Variants in MYO16 observed in about 807,000 individuals in gnomAD.
MYO16 encodes unconventional myosin-XVI.
Under a neutral mutation model 205.3 loss-of-function variants are expected in MYO16, and 94 were observed. The ratio of observed to expected loss-of-function variants is 0.46; its 90% CI spans 0.39 to 0.54. The LOEUF (loss-of-function observed/expected upper bound fraction) is 0.54, where lower values mean the gene tolerates loss of function less well. Ranked by LOEUF, MYO16 falls within the 20% of genes least tolerant of loss-of-function variation. The probability of loss-of-function intolerance (pLI) is 0.00; values close to 1 mark genes in which losing one functional copy is unlikely to be tolerated. For synonymous variants in MYO16, 988 were observed against 954.0 expected, an observed-to-expected ratio of 1.04 and a Z score of -0.66; for missense variants, 2,315 against 2,387.5, an observed-to-expected ratio of 0.97 and a Z score of 0.63.
chr13:109,055,514 A>G lies in MYO16; in HGVS notation c.3254A>G (p.Gln1085Arg), dbSNP rs1887387605. 3.7e-6 allele frequency: 6 copies of G among 1,613,220 alleles called. No homozygotes were observed. The highest frequency in any genetic ancestry group is 1.7e-4 in the Middle Eastern group (1 of 6,058). Residue 1085 changes from glutamine (Q) to arginine (R), a missense_variant, in exon 27 of 35, where the codon CAA (glutamine) becomes CGA (arginine). Gln to Arg is a conservative substitution (Grantham distance 43). Coordinates refer to ENST00000457511, the MANE Select transcript of MYO16 (RefSeq NM_001198950.3). This position sits in a 1 kb window ranked among gnomAD's most constrained non-coding sequence, Gnocchi z 5.0. ...AATTTTTACGTGTCTGCTCAGCTAC[A>G]ATATATTGGGGTCCTGGAGATGGTG... ...FDNFYVSAQL[Q>R]YIGVLEMVKI...
chr13:108,952,069 C>G (rs1883173673), intron 16 of MYO16, among the ~76,000 whole-genome samples: 1 of 151,728 alleles, frequency 6.6e-6, no homozygotes, highest in African/African-American at 2.4e-5. Context: ...TGAGATCATG[C>G]CATTGCACTC....
intron 9 of MYO16, among the ~76,000 whole-genome samples, chr13:108,824,097 G>A (rs1479596663): frequency 6.6e-6 from 1 of 152,068 alleles, no homozygotes; most frequent in Non-Finnish European, 1.5e-5. Context: ...CATGTAACGT[G>A]TGGGACCTTG....
intron 4 of MYO16, among the ~76,000 whole-genome samples, chr13:108,765,071 T>A (rs1885734031): frequency 6.6e-6 from 1 of 152,184 alleles, no homozygotes. Flanking sequence ...TCTTTTGATG[T>A]ATTTCTTAAT....
chr13:108,712,667 G>A lies in MYO16; in HGVS notation c.299G>A (p.Arg100Gln), dbSNP rs1280362563. 6 of 1,614,046 alleles carry A rather than the reference G, an allele frequency of 3.7e-6. No individual in the cohort carries two copies. In the South Asian group the frequency reaches 5.5e-5, roughly 15 times the overall value. The change falls in exon 3 of 35, where the codon CGG becomes CAG. Residue 100 changes from arginine (R) to glutamine (Q), a missense_variant. Arg to Gln is a conservative substitution (Grantham distance 43). Transcript: ENST00000457511. ...IIHHNDKEVL[R>Q]LLKEGADPHT... Reference sequence around the variant, plus strand: ...TCCTCTCTGTTGTTTTCAGTGCTTCGGCTCCTGAAGGAGGGGGCAGACCCC... The same window carrying A: ...TCCTCTCTGTTGTTTTCAGTGCTTCAGCTCCTGAAGGAGGGGGCAGACCCC...
chr13:108,936,107 TCC>T, intron 16 of MYO16, among the ~76,000 whole-genome samples: 1 of 144,058 alleles, frequency 6.9e-6, no homozygotes. Context: ...CTTCCTTCCT[TCC>T]TTCCTTCCTT....
At position 109,046,964 on chromosome 13, in the gene MYO16, T is replaced by A; in HGVS notation, c.2845T>A (p.Ser949Thr). 1 of 1,611,740 alleles carries A rather than the reference T, an allele frequency of 6.2e-7. No individual in the cohort carries two copies. Among genetic ancestry groups the A allele is most frequent in the South Asian group, 1.1e-5 (1 of 91,052 alleles). Reference protein sequence around the residue: ...GAIEKNKDSLSQNLLFVMKTS... With the variant: ...GAIEKNKDSLTQNLLFVMKTS... ...GATTGAAAAAAATAAAGACTCCCTT[T>A]CACAGAATCTTCTATTTGTAATGAA... The change falls in exon 24 of 35, where the codon TCA becomes ACA. Residue 949 changes from serine to threonine, a missense_variant. Ser to Thr is a moderately conservative substitution (Grantham distance 58). Coordinates refer to ENST00000457511, the MANE Select transcript of MYO16 (RefSeq NM_001198950.3).
At chr13:108,730,386 T>C (rs1390626244) in intron 4 of MYO16, among the ~76,000 whole-genome samples, 1 of 152,010 alleles carries the variant, frequency 6.6e-6, no homozygotes, top group African/African-American at 2.4e-5. Context: ...AATTACCCAG[T>C]CTAGGGTATT....
intron 20 of MYO16, among the ~76,000 whole-genome samples, chr13:108,981,865 C>T (rs577950848): frequency 7.9e-5 from 12 of 152,130 alleles, no homozygotes; most frequent in Non-Finnish European, 1.3e-4. Context: ...ATTTGAAGGT[C>T]ATTATTGAAA....
At position 109,140,255 on chromosome 13, in the gene MYO16, C is replaced by T. The variant is rs746608537; in HGVS notation, c.4052-9C>T. 1.1e-5 allele frequency: 17 copies of T among 1,598,178 alleles called. No individual in the cohort carries two copies. Among genetic ancestry groups the T allele is most frequent in the Middle Eastern group, 1.7e-4 (1 of 6,046 alleles). ...TGGCACCCACTGACCGCGTCCTTTC[C>T]TGCCGCAGCTCTGGCCCGGCCCAGA... On this transcript the variant is annotated splice_polypyrimidine_tract_variant and intron_variant, in intron 31 of 34. Coordinates refer to ENST00000457511, the MANE Select transcript of MYO16 (RefSeq NM_001198950.3). The surrounding 1 kb of genome is among the most constrained non-coding windows in gnomAD (Gnocchi z 8.0).
chr13:108,951,656 G>C (rs1210280106), intron 16 of MYO16, among the ~76,000 whole-genome samples: 1 of 152,082 alleles, frequency 6.6e-6, no homozygotes, highest in Non-Finnish European at 1.5e-5. Flanking sequence ...ATAATAATTG[G>C]TTAAAATTTG....
chr13:108,796,314 T>C (rs1242552390), intron 6 of MYO16, among the ~76,000 whole-genome samples: 1 of 152,212 alleles, frequency 6.6e-6, no homozygotes, highest in African/African-American at 2.4e-5. Context: ...CTTACACTGT[T>C]GGTGGGACTG....
At chr13:108,944,149 A>G (rs1438513948) in intron 16 of MYO16, among the ~76,000 whole-genome samples, 2 of 152,194 alleles carry the variant, frequency 1.3e-5, no homozygotes, top group African/African-American at 4.8e-5. Context: ...CTGTGACCAC[A>G]TATAGAGTTA....
chr13:108,584,864 T>G, the MYO16 span, among the ~76,000 whole-genome samples: 1 of 152,214 alleles, frequency 6.6e-6, no homozygotes, highest in Non-Finnish European at 1.5e-5. Flanking sequence ...TACAGAATAA[T>G]TATAAATTGA....
chr13:109,110,220 G>A (rs1217428104), intron 28 of MYO16, among the ~76,000 whole-genome samples: 3 of 152,224 alleles, frequency 2.0e-5, no homozygotes, highest in Non-Finnish European at 4.4e-5. Context: ...TGCTTTTGAA[G>A]CTAATTACCT....
At chr13:108,994,717 T>A (rs919610607) in intron 21 of MYO16, among the ~76,000 whole-genome samples, 7 of 152,178 alleles carry the variant, frequency 4.6e-5, no homozygotes, top group African/African-American at 1.7e-4. Context: ...CACTCGAACG[T>A]CAACTCCTGC....
chr13:108,851,685 A>G (rs1457115006), intron 10 of MYO16, among the ~76,000 whole-genome samples: 2 of 152,122 alleles, frequency 1.3e-5, no homozygotes, highest in Non-Finnish European at 1.5e-5. Context: ...TAAATTAATC[A>G]AAGTCCAATC....
chr13:108,533,387 G>A, the MYO16 span, among the ~76,000 whole-genome samples: 18 of 152,170 alleles, frequency 1.2e-4, no homozygotes, highest in Admixed American at 1.2e-3. Flanking sequence ...TCTAGGGGTG[G>A]GAGTTGTCCA....
At chr13:109,030,547 A>G (rs1036623511) in intron 23 of MYO16, among the ~76,000 whole-genome samples, 1 of 152,172 alleles carries the variant, frequency 6.6e-6, no homozygotes, top group Admixed American at 6.5e-5. Flanking sequence ...CATCATATAA[A>G]TAACATGAGA....
At chr13:109,051,812 C>T (rs1290168304) in intron 24 of MYO16, among the ~76,000 whole-genome samples, 1 of 152,142 alleles carries the variant, frequency 6.6e-6, no homozygotes, top group East Asian at 1.9e-4. Flanking sequence ...CTTTTCCCTT[C>T]TTTCACCTAG....
Sources: gnomAD v4.1 joint callset for allele counts (sites outside exome capture counted in the v4.1 genomes callset) on GRCh38, gnomAD v4.1.1 for gene constraint, Gnocchi (gnomAD v3.1) non-coding constraint, MANE v1.5 for transcripts, NCBI Gene and HGNC (gene_info 2026-07-23, HGNC 2026-07-21) for gene names.